NEBL: variants seen among roughly 807,000 people sequenced by gnomAD.
The protein encoded by NEBL is LIM and SH3 protein 2.
NEBL carries 122 observed loss-of-function variants against 140.2 expected under a neutral mutation model. The observed-to-expected ratio is 0.87, with a 90% CI of 0.75 to 1.01. The LOEUF (loss-of-function observed/expected upper bound fraction) is 1.01. Among genes scored for constraint, NEBL ranks in the 50% least tolerant of loss-of-function variants. The pLI, the probability that NEBL is intolerant of heterozygous loss-of-function variation, is 0.00. For missense variants in NEBL, 1,365 were observed against 1,231.3 expected (o/e 1.11, Z -1.62); for synonymous variants, 436 against 398.9 (o/e 1.09, Z -1.11).
At chr10:20,874,162 T>C (rs1845251691) in intron 5 of NEBL, among the ~76,000 whole-genome samples, 1 of 152,186 alleles carries the variant, frequency 6.6e-6, no homozygotes, top group South Asian at 2.1e-4. Context: ...CTTTATTCTT[T>C]CTCATTTATC....
Position 20,845,371 on chromosome 10 carries a change from G to A in NEBL, c.1117-3C>T, listed in dbSNP as rs376080967. On this transcript the variant is annotated splice_region_variant and splice_polypyrimidine_tract_variant and intron_variant, in intron 11 of 27. Transcript: ENST00000377122. ...TCAAAATCCTCTTTGTAAACTTTCTGTTAAATAAGACCACATAATTTTAAA... is the reference window on the plus strand; with the variant it reads ...TCAAAATCCTCTTTGTAAACTTTCTATTAAATAAGACCACATAATTTTAAA... The A allele has an allele frequency of 3.2e-5, 48 of 1,507,314 alleles. No homozygotes were observed. The highest frequency in any genetic ancestry group is 1.7e-4 in the Middle Eastern group (1 of 5,862). 93.4% of individuals were successfully genotyped at this position (1,507,314 alleles called of 1,614,324 possible).
chr10:20,901,364 A>T (rs1847861775), upstream of NEBL, among the ~76,000 whole-genome samples: 1 of 152,170 alleles, frequency 6.6e-6, no homozygotes, highest in Non-Finnish European at 1.5e-5. Flanking sequence ...CTGTGCCACC[A>T]TCTGGAGTCG....
upstream of NEBL, among the ~76,000 whole-genome samples, chr10:21,293,023 C>G (rs1337844852): frequency 6.6e-6 from 1 of 152,176 alleles, no homozygotes; most frequent in Non-Finnish European, 1.5e-5. Flanking sequence ...TGGTTCCTCC[C>G]AGCGCTAGTC....
At chr10:21,281,031 T>TA (rs1276154726) in intron 1 of NEBL, among the ~76,000 whole-genome samples, 1 of 152,162 alleles carries the variant, frequency 6.6e-6, no homozygotes, top group African/African-American at 2.4e-5. Flanking sequence ...AGAAGACTGT[T>TA]AGAGTATTCC....
intron 2 of NEBL, among the ~76,000 whole-genome samples, chr10:21,084,226 A>G (rs1224986253): frequency 1.3e-5 from 2 of 152,214 alleles, no homozygotes; most frequent in Non-Finnish European, 2.9e-5. Context: ...GCAAGTGGTC[A>G]CAGTGTGTGG....
chr10:20,990,922 C>T (rs1837431730), intron 3 of NEBL, among the ~76,000 whole-genome samples: 2 of 152,162 alleles, frequency 1.3e-5, no homozygotes, highest in South Asian at 4.1e-4. Context: ...TTTTCTCCTT[C>T]CCTTTCTTCC....
At chr10:21,132,451 T>C (rs1426698075) in intron 2 of NEBL, among the ~76,000 whole-genome samples, 2 of 152,222 alleles carry the variant, frequency 1.3e-5, no homozygotes, top group African/African-American at 4.8e-5. Flanking sequence ...TGAACATTCA[T>C]GTACAAGGTT....
chr10:21,242,708 T>C (rs1416463817), intron 3 of NEBL, among the ~76,000 whole-genome samples: 2 of 152,170 alleles, frequency 1.3e-5, no homozygotes, highest in East Asian at 3.8e-4. Context: ...AATAATCCTA[T>C]AGGTAGTTTG....
chr10:20,785,920 T>C lies in NEBL; in HGVS notation c.2872A>G (p.Thr958Ala). Reference protein sequence around the residue: ...RSMQHSPNLRTYRAMYDYSAQ... With the variant: ...RSMQHSPNLRAYRAMYDYSAQ... ...CTGTAATCGTACATGGCTCGGTAGG[T>C]CCTCTGAGAAAGGAAGAAGGGATTA... Residue 958 changes from threonine (T) to alanine (A), a missense_variant, in exon 28 of 28, where the codon ACC becomes GCC. This residue lies in a region of NEBL where 1,323 missense variants were observed against 1,154.8 expected (regional missense o/e 1.15). Coordinates refer to ENST00000377122, the MANE Select transcript of NEBL (RefSeq NM_006393.3). 1 of 1,613,738 alleles carries C rather than the reference T, an allele frequency of 6.2e-7. No individual in the cohort carries two copies. Among genetic ancestry groups the C allele is most frequent in the Non-Finnish European group, 8.5e-7 (1 of 1,179,782 alleles).
chr10:21,242,326 G>C (rs1439641041), intron 3 of NEBL, among the ~76,000 whole-genome samples: 4 of 152,234 alleles, frequency 2.6e-5, no homozygotes, highest in African/African-American at 9.6e-5. Context: ...CAGCAACATG[G>C]ATGGAGCTGG....
At chr10:21,207,719 C>T (rs1841849780) in intron 3 of NEBL, among the ~76,000 whole-genome samples, 1 of 152,114 alleles carries the variant, frequency 6.6e-6, no homozygotes, top group Non-Finnish European at 1.5e-5. Context: ...AGACTGGTTG[C>T]ATCTCTCAGC....
At chr10:20,815,003 A>G (rs1838578323) in intron 22 of NEBL, among the ~76,000 whole-genome samples, 1 of 152,196 alleles carries the variant, frequency 6.6e-6, no homozygotes, top group Non-Finnish European at 1.5e-5. Context: ...TGCCCATCAG[A>G]ACACCGCCAT....
intron 3 of NEBL, among the ~76,000 whole-genome samples, chr10:20,988,338 T>G (rs1045269432): frequency 6.6e-6 from 1 of 152,222 alleles, no homozygotes; most frequent in Non-Finnish European, 1.5e-5. Context: ...CAACATTCCA[T>G]ATCTGTGCCT....
At chr10:21,035,039 C>T (rs1316484863) in intron 2 of NEBL, among the ~76,000 whole-genome samples, 2 of 151,852 alleles carry the variant, frequency 1.3e-5, no homozygotes, top group African/African-American at 2.4e-5. Context: ...AGCTCTGTTG[C>T]CCAGGCTGGA....
At chr10:21,273,087 T>C (rs11012632) in intron 1 of NEBL, among the ~76,000 whole-genome samples, 6,966 of 152,204 alleles carry the variant, frequency 0.046, 224 homozygotes, top group South Asian at 0.13. Context: ...ATCTACTTGA[T>C]TGGAGGTTCC....
At chr10:21,137,757 A>AC (rs1839421895) in intron 2 of NEBL, among the ~76,000 whole-genome samples, 1 of 151,754 alleles carries the variant, frequency 6.6e-6, no homozygotes, top group African/African-American at 2.4e-5. Flanking sequence ...ACATAGTGAG[A>AC]CCCCTCTGCC....
At chr10:20,803,696 T>C (rs1447320801) in intron 26 of NEBL, among the ~76,000 whole-genome samples, 2 of 151,730 alleles carry the variant, frequency 1.3e-5, no homozygotes, top group East Asian at 1.9e-4. Context: ...ACTCCACTTT[T>C]TATAGAGTCA....
intron 26 of NEBL, among the ~76,000 whole-genome samples, chr10:20,803,338 G>A (rs187370381): frequency 9.9e-5 from 15 of 152,184 alleles, no homozygotes; most frequent in Admixed American, 7.9e-4. Context: ...ACTATATGGT[G>A]TATATATCGA....
In NEBL at chr10:21,120,405, T is replaced by C. The variant is rs1279382642; in HGVS notation, c.164+51978A>G. On this transcript the variant is annotated intron_variant, in intron 2 of 6. Transcript: ENST00000417816. ...AAAAAAAAAAATACATATATATATA[T>C]ATATATATATATATATATAAATTTG... Among the ~76,000 whole-genome samples, 51 of 122,256 alleles carry C rather than the reference T, an allele frequency of 4.2e-4. 1 individual carries two copies. The highest frequency in any genetic ancestry group is 1.7e-3 in the African/African-American group (47 of 27,502). The allele number at this position is 122,256 out of a possible 152,430, so 80.2% of individuals were successfully genotyped here.
Sources: allele counts gnomAD v4.1 joint callset (sites outside exome capture counted in the v4.1 genomes callset), GRCh38; gene constraint gnomAD v4.1.1; regional missense constraint gnomAD v4.1.1; transcripts MANE v1.5; gene names NCBI Gene and HGNC (gene_info 2026-07-23, HGNC 2026-07-21).